EVA1C: variants seen among roughly 807,000 people sequenced by gnomAD.
EVA1C encodes protein eva-1 homolog C.
In EVA1C, 25 loss-of-function variants were observed where a neutral mutation model predicts 45.4. The ratio of observed to expected loss-of-function variants is 0.55; its 90% CI spans 0.40 to 0.77. The LOEUF is 0.77. Ranked by LOEUF, EVA1C falls within the 30% of genes least tolerant of loss-of-function variation. EVA1C has a pLI of 0.00. For missense variants in EVA1C, 479 were observed against 554.8 expected (o/e 0.86, Z 1.37); for synonymous variants, 190 against 221.2 (o/e 0.86, Z 1.25).
chr21:32,421,233 G>A (rs1365971590), intron 1 of EVA1C, among the ~76,000 whole-genome samples: 2 of 152,284 alleles, frequency 1.3e-5, no homozygotes, highest in Non-Finnish European at 2.9e-5. Flanking sequence ...CTATGGCTAC[G>A]TTGGAGTTGC....
intron 4 of EVA1C, among the ~76,000 whole-genome samples, chr21:32,477,923 CA>C (rs2036640763): frequency 1.4e-5 from 1 of 73,376 alleles, no homozygotes; most frequent in Non-Finnish European, 2.6e-5. Flanking sequence ...CATACGCTCT[CA>C]CCTCCCCCAT....
At chr21:32,497,476 T>C (rs2037390652) in intron 5 of EVA1C, among the ~76,000 whole-genome samples, 1 of 152,210 alleles carries the variant, frequency 6.6e-6, no homozygotes, top group East Asian at 1.9e-4. Context: ...TATAAGTAAA[T>C]TACTGATTTT....
At position 32,467,521 on chromosome 21, in the gene EVA1C, T is replaced by G. The variant is rs117835657; in HGVS notation, c.482-175T>G. Among the ~76,000 whole-genome samples, 179 of 152,276 alleles carry G rather than the reference T, an allele frequency of 1.2e-3. 5 individuals carry two copies. In the East Asian group the frequency reaches 0.03, roughly 25 times the overall value. On this transcript the variant is annotated intron_variant, in intron 3 of 7. Transcript: ENST00000300255. The stretch of plus-strand genomic sequence containing the variant: ...GTCAACAGGTTACTTCCCACCCGCT[T>G]CCTGCAGAGGGCTTTGTTTTCTGGG...
At chr21:32,497,309 T>A (rs2037385028) in intron 5 of EVA1C, 2 of 659,536 alleles carry the variant, frequency 3.0e-6, no homozygotes, top group Admixed American at 4.3e-5. Context: ...GGCAGAAAGT[T>A]GATATAGGTG....
Position 32,457,651 on chromosome 21 carries a change from C to T in EVA1C, c.412C>T (p.Arg138Cys), listed in dbSNP as rs200043057. 9.9e-6 allele frequency: 16 copies of T among 1,613,968 alleles called. No homozygotes were observed. Among genetic ancestry groups the T allele is most frequent in the African/African-American group, 6.7e-5 (5 of 74,896 alleles). Residue 138 changes from arginine (R) to cysteine (C), a missense_variant, in exon 3 of 8, where the codon CGT becomes TGT. Coordinates refer to ENST00000300255, the MANE Select transcript of EVA1C (RefSeq NM_058187.5). ...GGCCTGCCACCTCCTGGTCAATAGCCGTGTTTTTGGACCTGACCTTTGTCC... is the reference window on the plus strand; with the variant it reads ...GGCCTGCCACCTCCTGGTCAATAGCTGTGTTTTTGGACCTGACCTTTGTCC... Reference protein sequence around the residue: ...QRACHLLVNSRVFGPDLCPGS... With the variant: ...QRACHLLVNSCVFGPDLCPGS...
At position 32,453,470 on chromosome 21, in the gene EVA1C, G is replaced by A. The variant is rs769303419; in HGVS notation, c.319G>A (p.Glu107Lys). The change falls in exon 2 of 8, where the codon GAA (glutamate) becomes AAA (lysine). Residue 107 changes from glutamate (E) to lysine (K), a missense_variant. By Grantham distance (56) the Glu-to-Lys change is moderately conservative. Around this residue, in one of 3 missense-constraint regions of EVA1C, gnomAD observed 366 missense variants for 426.1 expected, o/e 0.86. Transcript: ENST00000300255. Reference protein sequence around the residue: ...CSSQKPASQREDSLTCVAATT... With the variant: ...CSSQKPASQRKDSLTCVAATT... ...TTCCCAGAAGCCTGCCTCCCAGAGGGAAGACAGCTTAACCTGTGTGGCAGC... is the reference window on the plus strand; with the variant it reads ...TTCCCAGAAGCCTGCCTCCCAGAGGAAAGACAGCTTAACCTGTGTGGCAGC... 5 of 1,610,974 alleles carry A rather than the reference G, an allele frequency of 3.1e-6. No homozygotes were observed. The highest frequency in any genetic ancestry group is 4.2e-6 in the Non-Finnish European group (5 of 1,179,004).
chr21:32,506,814 G>C (rs1440210308), intron 7 of EVA1C, among the ~76,000 whole-genome samples: 1 of 152,168 alleles, frequency 6.6e-6, no homozygotes, highest in Admixed American at 6.5e-5. Context: ...CACTGCTGCT[G>C]GAGAGAGGTG....
At chr21:32,459,838 C>CAAA (rs35572319) in intron 3 of EVA1C, among the ~76,000 whole-genome samples, 63 of 63,060 alleles carry the variant, frequency 1.0e-3, no homozygotes, top group African/African-American at 2.7e-3. Flanking sequence ...GAGACTGTCT[C>CAAA]AAAAAAAAAA....
chr21:32,449,514 A>G (rs2035496831), intron 1 of EVA1C, among the ~76,000 whole-genome samples: 1 of 152,180 alleles, frequency 6.6e-6, no homozygotes, highest in South Asian at 2.1e-4. Flanking sequence ...ATATGCATTT[A>G]AGGTTTCTCC....
chr21:32,514,733 G>A, intron 7 of EVA1C, 81 bp from the exon 8 acceptor site: 1 of 1,448,910 alleles, frequency 6.9e-7, no homozygotes, highest in Non-Finnish European at 9.2e-7. Flanking sequence ...TGCTTGGGCA[G>A]ACATCTGTTT....
chr21:32,467,581 A>C (rs2036218446), intron 3 of EVA1C, 115 bp from the exon 4 acceptor site: 6 of 973,266 alleles, frequency 6.2e-6, no homozygotes, highest in Non-Finnish European at 8.8e-6. Context: ...GGCCATCCCC[A>C]CTGCCCCCTT....
At chr21:32,495,676 T>C (rs1315208176) in intron 5 of EVA1C, among the ~76,000 whole-genome samples, 3 of 152,208 alleles carry the variant, frequency 2.0e-5, no homozygotes, top group African/African-American at 7.2e-5. Context: ...CAATAAAAAT[T>C]GTTACACGAC....
chr21:32,424,304 G>A (rs1462754599), intron 1 of EVA1C, among the ~76,000 whole-genome samples: 1 of 152,090 alleles, frequency 6.6e-6, no homozygotes, highest in East Asian at 1.9e-4. Flanking sequence ...TGAGGAACAA[G>A]AGAAACCCAG....
At chr21:32,492,419 G>T (rs968166333) in intron 4 of EVA1C, among the ~76,000 whole-genome samples, 5 of 152,160 alleles carry the variant, frequency 3.3e-5, no homozygotes, top group African/African-American at 1.2e-4. Flanking sequence ...TTTCTAGAAG[G>T]CTGACTGAAG....
rs369446385 is a variant in EVA1C at position 32,473,916 on chromosome 21, CT to C, written c.634+6073del. 85 of 985,396 alleles carry C rather than the reference CT, an allele frequency of 8.6e-5. No individual in the cohort carries two copies. In the East Asian group the frequency reaches 6.0e-3, roughly 70 times the overall value. 61.0% of individuals were successfully genotyped at this position (985,396 alleles called of 1,614,324 possible). On this transcript the variant is annotated intron_variant, in intron 4 of 7. Coordinates refer to ENST00000300255, the MANE Select transcript of EVA1C (RefSeq NM_058187.5). Reference sequence around the variant, plus strand: ...GACCCTTTGATTTTTGTCTTTCAGCCTTTTTGTGCCACGGAGCACAGGACAA... The same window carrying C: ...GACCCTTTGATTTTTGTCTTTCAGCCTTTTGTGCCACGGAGCACAGGACAA...
chr21:32,480,684 C>T lies in EVA1C; in HGVS notation c.634+12836C>T, dbSNP rs576390339. ...CCTTGTCTCAAAAAACTTTTTTTGC[C>T]GGACACAGTGGCTCACGCCTATAAT... On this transcript the variant is annotated intron_variant, in intron 4 of 7. Transcript: ENST00000300255. Among the ~76,000 whole-genome samples the T allele has an allele frequency of 9.9e-4, 150 of 151,612 alleles. 1 individual carries two copies. Among genetic ancestry groups the T allele is most frequent in the Non-Finnish European group, 1.8e-3 (119 of 67,902 alleles).
chr21:32,507,628 C>G (rs1256632847), intron 7 of EVA1C, among the ~76,000 whole-genome samples: 1 of 146,436 alleles, frequency 6.8e-6, no homozygotes, highest in African/African-American at 2.5e-5. Flanking sequence ...ACATGCGTAT[C>G]TGTGTGTGCA....
At chr21:32,423,984 G>A (rs1304668582) in intron 1 of EVA1C, among the ~76,000 whole-genome samples, 2 of 152,124 alleles carry the variant, frequency 1.3e-5, no homozygotes, top group Admixed American at 6.5e-5. Context: ...TCTTTAATTC[G>A]GATGAGTATA....
intron 1 of EVA1C, among the ~76,000 whole-genome samples, chr21:32,425,908 C>G (rs2146132863): frequency 6.6e-6 from 1 of 152,204 alleles, no homozygotes; most frequent in African/African-American, 2.4e-5. Context: ...GCTAGACCAG[C>G]AGATTTGTCC....
Sources: allele counts gnomAD v4.1 joint callset (sites outside exome capture counted in the v4.1 genomes callset), GRCh38; gene constraint gnomAD v4.1.1; regional missense constraint gnomAD v4.1.1; transcripts MANE v1.5; gene names NCBI Gene and HGNC (gene_info 2026-07-23, HGNC 2026-07-21).